CEP120: variants seen among roughly 807,000 people sequenced by gnomAD.
The protein encoded by CEP120 is centrosomal protein 120, also known as centrosomal protein of 120 kDa.
In CEP120, 113 loss-of-function variants were observed where a neutral mutation model predicts 126.5. The ratio of observed to expected loss-of-function variants is 0.89; its 90% confidence interval spans 0.77 to 1.04. The LOEUF (loss-of-function observed/expected upper bound fraction) is 1.04, where lower values mean the gene tolerates loss of function less well. Among genes scored for constraint, CEP120 ranks in the 50% least tolerant of loss-of-function variants. The probability of loss-of-function intolerance (pLI) is 0.00; values close to 1 mark genes in which losing one functional copy is unlikely to be tolerated. For missense variants in CEP120, 1,230 were observed against 1,155.7 expected, an observed-to-expected ratio of 1.06 and a Z score of -0.93; for synonymous variants, 400 against 394.3, an observed-to-expected ratio of 1.01 and a Z score of -0.17.
chr5:123,398,786 A>C (rs1772975435), intron 5 of CEP120, among the ~76,000 whole-genome samples: 1 of 152,232 alleles, frequency 6.6e-6, no homozygotes, highest in African/African-American at 2.4e-5. Flanking sequence ...AGTGGCAGAA[A>C]GTATTCCTGA....
At chr5:123,348,483 TGAATAA>T (rs1429856678) in intron 19 of CEP120, among the ~76,000 whole-genome samples, 1 of 152,226 alleles carries the variant, frequency 6.6e-6, no homozygotes, top group Non-Finnish European at 1.5e-5. Flanking sequence ...AAATATTTCC[TGAATAA>T]ATGAGAATAA....
intron 4 of CEP120, among the ~76,000 whole-genome samples, chr5:123,400,056 A>T (rs890913): frequency 0.44 from 66,876 of 151,980 alleles, 14,657 homozygotes; most frequent in East Asian, 0.48. Flanking sequence ...TAGAATAACC[A>T]ATTAGAGGGT....
At chr5:123,378,284 T>C in intron 15 of CEP120, 52 bp downstream of exon 15, 2 of 1,337,232 alleles carry the variant, frequency 1.5e-6, no homozygotes, top group South Asian at 1.3e-5. Flanking sequence ...TATTTCTACT[T>C]TGCAATAAAC....
At chr5:123,401,221 G>A (rs1413497139) in intron 4 of CEP120, 2 of 1,612,558 alleles carry the variant, frequency 1.2e-6, no homozygotes, top group East Asian at 2.2e-5. Context: ...ATCAGCTCCT[G>A]GTACTCACGC....
intron 1 of CEP120, among the ~76,000 whole-genome samples, chr5:123,419,049 G>C (rs1684861172): frequency 6.6e-6 from 1 of 152,146 alleles, no homozygotes; most frequent in South Asian, 2.1e-4. Context: ...TCAAACATTA[G>C]TGTGCACATG....
chr5:123,419,638 C>T (rs894943981), intron 1 of CEP120, among the ~76,000 whole-genome samples: 4 of 151,682 alleles, frequency 2.6e-5, no homozygotes, highest in African/African-American at 9.7e-5. Context: ...AAGGACAACA[C>T]TGTACACTAT....
chr5:123,349,852 T>C (rs1183351397), intron 19 of CEP120, 92 bp downstream of exon 19: 1 of 965,464 alleles, frequency 1.0e-6, no homozygotes, highest in Non-Finnish European at 1.5e-6. Context: ...TATATTTTTA[T>C]ATATGATCTA....
chr5:123,403,887 A>G (rs1290291775), intron 4 of CEP120: 1 of 188,858 alleles, frequency 5.3e-6, no homozygotes, highest in Non-Finnish European at 1.1e-5. Flanking sequence ...TAACAATTCA[A>G]TGTAACATCT....
At chr5:123,384,849 C>T in intron 11 of CEP120, 102 bp downstream of exon 11, 1 of 977,864 alleles carries the variant, frequency 1.0e-6, no homozygotes, top group East Asian at 2.5e-5. Flanking sequence ...AGTGGTGGAT[C>T]AGAAAAAAGA....
In CEP120 at chr5:123,391,308, A is replaced by C; in HGVS notation, c.840T>G (p.Leu280=). ...CAGTTAAAGGTATTTCTGTACTTCC[A>C]AGTGACTGGTCTCCACAGCAGAGGT... The part of the protein sequence containing the change: ...QIHLCCGDQS[L]GSTEIPLTGL... Residue 280 remains leucine (L), a synonymous_variant, in exon 7 of 20, where the codon CTT becomes CTG. Coordinates refer to ENST00000306467, the MANE Select transcript of CEP120 (RefSeq NM_001375405.1). 6.2e-7 allele frequency: 1 copy of C among 1,614,068 alleles called. No homozygotes were observed. Among genetic ancestry groups the C allele is most frequent in the Admixed American group, 1.7e-5 (1 of 60,034 alleles).
chr5:123,403,270 G>A, intron 4 of CEP120: 1 of 456,024 alleles, frequency 2.2e-6, no homozygotes. Flanking sequence ...AGGAAGCAGG[G>A]CTCCTTAGAG....
In CEP120 at chr5:123,388,981, C is replaced by A. The variant is rs1443124535; in HGVS notation, c.1256-375G>T. 2.6e-5 allele frequency among the ~76,000 whole-genome samples: 4 copies of A among 152,142 alleles called. No individual in the cohort carries two copies. The South Asian group carries it at 6.2e-4, about 24-fold the overall frequency. ...GAGATATAATGACATCACCTTTTTA[C>A]AGTAATTTTGGTTATTTTAGGCATA... On this transcript the variant is annotated intron_variant, in intron 8 of 19. Transcript: ENST00000306467.
intron 13 of CEP120, 28 bp from the exon 14 acceptor site, chr5:123,382,228 CA>C: frequency 1.4e-6 from 2 of 1,388,472 alleles, no homozygotes. Flanking sequence ...ATAAAGTCGC[CA>C]AAAAACCCCA....
At chr5:123,376,546 T>G (rs769714240) in intron 16 of CEP120, among the ~76,000 whole-genome samples, 2 of 152,026 alleles carry the variant, frequency 1.3e-5, no homozygotes, top group Non-Finnish European at 2.9e-5. Flanking sequence ...GTATCAAGAT[T>G]CCCAATTTCA....
At chr5:123,366,807 T>G (rs2127007146) in intron 17 of CEP120, among the ~76,000 whole-genome samples, 1 of 151,954 alleles carries the variant, frequency 6.6e-6, no homozygotes, top group East Asian at 1.9e-4. Context: ...AAACCTAAAC[T>G]ACTCCACCTA....
intron 2 of CEP120, among the ~76,000 whole-genome samples, chr5:123,417,834 T>C (rs1380061903): frequency 6.6e-6 from 1 of 152,318 alleles, no homozygotes; most frequent in East Asian, 1.9e-4. Context: ...TACTAATACT[T>C]AACATCTCAG....
At position 123,396,109 on chromosome 5, in the gene CEP120, A is replaced by C. The variant is rs569260621; in HGVS notation, c.613-2612T>G. ...CAGGCTCCTGAGTAGCTAAGATTAC[A>C]GGTGTATGCCACACCACCCACAGGT... On this transcript the variant is annotated intron_variant, in intron 5 of 19. Coordinates refer to ENST00000306467, the MANE Select transcript of CEP120 (RefSeq NM_001375405.1). Among the ~76,000 whole-genome samples, 4 of 151,920 alleles carry C rather than the reference A, an allele frequency of 2.6e-5. No homozygotes were observed. The South Asian group carries it at 8.3e-4, about 32-fold the overall frequency.
intron 4 of CEP120, among the ~76,000 whole-genome samples, chr5:123,410,909 G>T (rs564828771): frequency 1.1e-4 from 17 of 152,208 alleles, no homozygotes. Context: ...GCCACATACT[G>T]GGAAAACATA....
At chr5:123,405,023 A>T (rs1014071291) in intron 4 of CEP120, among the ~76,000 whole-genome samples, 2 of 152,236 alleles carry the variant, frequency 1.3e-5, no homozygotes, top group Admixed American at 1.3e-4. Context: ...TGGCACATAG[A>T]GCTTAGAAAT....
Sources: gnomAD v4.1 joint callset for allele counts (sites outside exome capture counted in the v4.1 genomes callset) on GRCh38, gnomAD v4.1.1 for gene constraint, MANE v1.5 for transcripts, NCBI Gene and HGNC (gene_info 2026-07-23, HGNC 2026-07-21) for gene names.